ZZZ3: variants seen among roughly 807,000 people sequenced by gnomAD.
The protein encoded by ZZZ3 is ZZ-type zinc finger-containing protein 3.
A neutral mutation model predicts 95.2 loss-of-function variants in ZZZ3; 22 were observed. The observed-to-expected ratio is 0.23, with a 90% CI of 0.17 to 0.33. The LOEUF is 0.33. Among genes scored for constraint, ZZZ3 ranks in the 10% least tolerant of loss-of-function variants. The pLI is 1.00. For missense variants in ZZZ3, 885 were observed against 1,066.5 expected, an observed-to-expected ratio of 0.83 and a Z score of 2.37; for synonymous variants, 335 against 358.9, an observed-to-expected ratio of 0.93 and a Z score of 0.75.
intron 5 of ZZZ3, among the ~76,000 whole-genome samples, chr1:77,589,052 T>A (rs1329158038): frequency 6.6e-6 from 1 of 152,164 alleles, no homozygotes; most frequent in African/African-American, 2.4e-5. Context: ...ACTTTTTAAA[T>A]TTTTTGTAGA....
intron 5 of ZZZ3, among the ~76,000 whole-genome samples, chr1:77,594,217 T>C (rs893750651): frequency 6.6e-6 from 1 of 152,140 alleles, no homozygotes; most frequent in Admixed American, 6.5e-5. Context: ...CTTTATAGTG[T>C]CTACTCATGA....
chr1:77,648,209 T>A (rs1455838285), intron 1 of ZZZ3, among the ~76,000 whole-genome samples: 1 of 151,746 alleles, frequency 6.6e-6, no homozygotes, highest in Non-Finnish European at 1.5e-5. Flanking sequence ...ATTAGCCAGA[T>A]GTTGTGGCAC....
intron 5 of ZZZ3, among the ~76,000 whole-genome samples, chr1:77,596,835 G>C (rs1247554646): frequency 6.6e-6 from 1 of 152,118 alleles, no homozygotes; most frequent in Non-Finnish European, 1.5e-5. Flanking sequence ...AAGGGAAGGA[G>C]GCTAGAATGA....
chr1:77,639,543 TC>T lies in ZZZ3; in HGVS notation c.-147del. On this transcript the variant is annotated 5_prime_UTR_variant, in exon 4 of 15. Transcript: ENST00000370801. Reference sequence around the variant, plus strand: ...TATGATCTAGAATGGAGCTTAAGCATCAGGGTTTCAGACTCTCTCAGCTTCA... The same window carrying T: ...TATGATCTAGAATGGAGCTTAAGCATAGGGTTTCAGACTCTCTCAGCTTCA... The T allele has an allele frequency of 8.1e-7, 1 of 1,232,328 alleles. No homozygotes were observed. Among genetic ancestry groups the T allele is most frequent in the Non-Finnish European group, 1.1e-6 (1 of 917,378 alleles). The allele number at this position is 1,232,328 out of a possible 1,614,324, so 76.3% of individuals were successfully genotyped here.
Position 77,579,656 on chromosome 1 carries a change from G to A in ZZZ3, c.1981-28C>T, listed in dbSNP as rs1027247298. On this transcript the variant is annotated intron_variant, in intron 9 of 14. Transcript: ENST00000370801. ...AAGCCATACCCAAGACCAAATTTAA[G>A]AAAATATGTATTTAATTTTAAATAT... 5 of 1,257,828 alleles carry A rather than the reference G, an allele frequency of 4.0e-6. No individual in the cohort carries two copies. The African/African-American group carries it at 4.7e-5, about 12-fold the overall frequency. 77.9% of individuals were successfully genotyped at this position (1,257,828 alleles called of 1,614,324 possible).
intron 1 of ZZZ3, among the ~76,000 whole-genome samples, chr1:77,642,465 A>G (rs1668863149): frequency 6.6e-6 from 1 of 152,110 alleles, no homozygotes; most frequent in Non-Finnish European, 1.5e-5. Context: ...ATAACCTAGC[A>G]AGGCATGGTG....
chr1:77,670,272 TG>T (rs947732611), intron 1 of ZZZ3, among the ~76,000 whole-genome samples: 18 of 122,680 alleles, frequency 1.5e-4, no homozygotes, highest in East Asian at 4.6e-4. Flanking sequence ...TTTTTTTTTT[TG>T]GGGGGGGGCA....
intron 4 of ZZZ3, 47 bp downstream of exon 4, chr1:77,639,402 A>G: frequency 7.0e-7 from 1 of 1,437,224 alleles, no homozygotes; most frequent in Non-Finnish European, 9.2e-7. Flanking sequence ...AAAGAAGAAG[A>G]AGTCAAACTA....
In ZZZ3 at chr1:77,563,058, T is replaced by G. The variant is rs931898711; in HGVS notation, c.*2582A>C. 2.0e-5 allele frequency: 3 copies of G among 152,232 alleles called. No homozygotes were observed. The highest frequency in any genetic ancestry group is 7.2e-5 in the African/African-American group (3 of 41,460). The allele number at this position is 152,232 out of a possible 1,614,324, so 9.4% of individuals were successfully genotyped here. A position where few individuals can be genotyped will look rare whatever the true frequency, so the allele number is the denominator to read the frequency against. ...TATCATATGCTTGCTTGGCACATAG[T>G]AAACACTGTATCAGTGTTTTCTATT... On this transcript the variant is annotated 3_prime_UTR_variant, in exon 15 of 15. Transcript: ENST00000370801.
Position 77,568,444 on chromosome 1 carries a change from A to G in ZZZ3, c.2354T>C (p.Met785Thr), listed in dbSNP as rs766536132. The G allele has an allele frequency of 1.5e-6, 2 of 1,293,440 alleles. No individual in the cohort carries two copies. Among genetic ancestry groups the G allele is most frequent in the South Asian group, 2.8e-5 (2 of 71,384 alleles). The allele number at this position is 1,293,440 out of a possible 1,614,324, so 80.1% of individuals were successfully genotyped here. A position where few individuals can be genotyped will look rare whatever the true frequency, so the allele number is the denominator to read the frequency against. The change falls in exon 13 of 15, where the codon ATG becomes ACG. Residue 785 changes from methionine (M) to threonine (T), a missense_variant. Physicochemically the swap from Met to Thr is moderately conservative, Grantham distance 81. Coordinates refer to ENST00000370801, the MANE Select transcript of ZZZ3 (RefSeq NM_015534.6). ...TTTATATTCAGGTAAATTCCTATACATGATAGGAATACTTTCGTCATCCTA... is the reference window on the plus strand; with the variant it reads ...TTTATATTCAGGTAAATTCCTATACGTGATAGGAATACTTTCGTCATCCTA... ...DASDDESIPI[M>T]YRNLPEYKEL...
chr1:77,631,196 C>A (rs1667774404), intron 5 of ZZZ3, among the ~76,000 whole-genome samples: 1 of 152,094 alleles, frequency 6.6e-6, no homozygotes, highest in East Asian at 1.9e-4. Flanking sequence ...AGGTTGAGAG[C>A]TGATAATATT....
Position 77,564,092 on chromosome 1 carries a change from A to G in ZZZ3, c.*1548T>C, listed in dbSNP as rs1007915738. The stretch of plus-strand genomic sequence containing the variant: ...TAGAATATTTATACTATCTTTTCCT[A>G]TAGTTAATAGTAATTTCCAGGAAAC... On this transcript the variant is annotated 3_prime_UTR_variant, in exon 15 of 15. Coordinates refer to ENST00000370801, the MANE Select transcript of ZZZ3 (RefSeq NM_015534.6). The G allele has an allele frequency of 6.6e-6, 1 of 152,104 alleles. No individual in the cohort carries two copies. The highest frequency in any genetic ancestry group is 6.5e-5 in the Admixed American group (1 of 15,272). The allele number at this position is 152,104 out of a possible 1,614,324, so 9.4% of individuals were successfully genotyped here. A position where few individuals can be genotyped will look rare whatever the true frequency, so the allele number is the denominator to read the frequency against.
At chr1:77,602,507 A>C (rs568508253) in intron 5 of ZZZ3, among the ~76,000 whole-genome samples, 4 of 152,300 alleles carry the variant, frequency 2.6e-5, no homozygotes, top group African/African-American at 9.6e-5. Flanking sequence ...ATCCTAAATC[A>C]TAATGCCAGT....
intron 5 of ZZZ3, among the ~76,000 whole-genome samples, chr1:77,624,222 A>T (rs1667135989): frequency 6.6e-6 from 1 of 152,104 alleles, no homozygotes; most frequent in Admixed American, 6.5e-5. Flanking sequence ...CAGAGCTCCT[A>T]AGACCTCTAC....
At chr1:77,580,394 A>G (rs1662382484) in intron 9 of ZZZ3, 1 of 152,206 alleles carries the variant, frequency 6.6e-6, no homozygotes, top group Non-Finnish European at 1.5e-5. Flanking sequence ...TACTGGCCTC[A>G]GGTTTTTCTC....
chr1:77,621,459 T>C (rs1490662134), intron 5 of ZZZ3, among the ~76,000 whole-genome samples: 1 of 133,642 alleles, frequency 7.5e-6, no homozygotes, highest in Non-Finnish European at 1.6e-5. Context: ...AAAAATCCAG[T>C]GAAGAAAGAG....
At chr1:77,616,433 C>A (rs1666321636) in intron 5 of ZZZ3, among the ~76,000 whole-genome samples, 1 of 152,220 alleles carries the variant, frequency 6.6e-6, no homozygotes, top group South Asian at 2.1e-4. Flanking sequence ...AACCTATATA[C>A]TTCAAGAGAA....
chr1:77,656,673 G>A (rs1199775085), intron 1 of ZZZ3, among the ~76,000 whole-genome samples: 1 of 152,044 alleles, frequency 6.6e-6, no homozygotes, highest in Non-Finnish European at 1.5e-5. Context: ...GTCTTCAGAG[G>A]GCACAAAAAT....
intron 5 of ZZZ3, among the ~76,000 whole-genome samples, chr1:77,611,893 A>G (rs1186440662): frequency 6.6e-6 from 1 of 152,036 alleles, no homozygotes; most frequent in East Asian, 1.9e-4. Flanking sequence ...ACATAGGAGG[A>G]AAGTTCCTCA....
Sources: gnomAD v4.1 joint callset for allele counts (sites outside exome capture counted in the v4.1 genomes callset) on GRCh38, gnomAD v4.1.1 for gene constraint, MANE v1.5 for transcripts, NCBI Gene and HGNC (gene_info 2026-07-23, HGNC 2026-07-21) for gene names.